The following PCLO variants were observed in gnomAD, a reference collection of about 807,000 sequenced individuals.
PCLO encodes the protein piccolo presynaptic cytomatrix protein.
Under a neutral mutation model 427.5 loss-of-function variants are expected in PCLO, and 82 were observed. The ratio of observed to expected loss-of-function variants is 0.19; its 90% CI spans 0.16 to 0.23. The LOEUF (loss-of-function observed/expected upper bound fraction) is 0.23. PCLO is among the 10% of genes least tolerant of loss of function. The probability of loss-of-function intolerance (pLI) is 1.00; values close to 1 mark genes in which losing one functional copy is unlikely to be tolerated. For synonymous variants in PCLO, 2,357 were observed against 2,155.4 expected (o/e 1.09, Z -2.59); for missense variants, 6,239 against 6,115.9 (o/e 1.02, Z -0.67).
intron 3 of PCLO, among the ~76,000 whole-genome samples, chr7:83,117,565 G>A (rs1490597071): frequency 8.5e-5 from 13 of 152,238 alleles, no homozygotes; most frequent in East Asian, 1.9e-4. Flanking sequence ...GGACAAAATC[G>A]AGCTCGCTTA....
At chr7:82,966,570 C>T in intron 3 of PCLO, 83 bp from the exon 4 acceptor site, 2 of 750,412 alleles carry the variant, frequency 2.7e-6, no homozygotes, top group African/African-American at 1.8e-5. Flanking sequence ...GAAAATTTGG[C>T]AATTCCTATC....
chr7:83,075,700 T>C (rs2116374360), intron 3 of PCLO, among the ~76,000 whole-genome samples: 1 of 152,254 alleles, frequency 6.6e-6, no homozygotes, highest in South Asian at 2.1e-4. Flanking sequence ...AGTTAAAATT[T>C]CGGGAAATTA....
intron 2 of PCLO, among the ~76,000 whole-genome samples, chr7:83,147,443 G>A (rs964120181): frequency 2.0e-5 from 3 of 152,016 alleles, no homozygotes; most frequent in Non-Finnish European, 2.9e-5. Context: ...AAAACCTTAT[G>A]CATAGAATCT....
intron 3 of PCLO, among the ~76,000 whole-genome samples, chr7:83,027,242 A>T (rs1239011568): frequency 4.8e-5 from 7 of 146,752 alleles, no homozygotes; most frequent in Non-Finnish European, 7.6e-5. Flanking sequence ...GAGAAGAATC[A>T]AATAGACGCA....
chr7:82,992,566 A>T (rs1796401850), intron 3 of PCLO, among the ~76,000 whole-genome samples: 1 of 152,100 alleles, frequency 6.6e-6, no homozygotes, highest in African/African-American at 2.4e-5. Flanking sequence ...GAACATGCAG[A>T]GAACATCACA....
Position 83,001,911 on chromosome 7 carries a change from G to C in PCLO, c.3301-35424C>G, listed in dbSNP as rs369606910. The stretch of plus-strand genomic sequence containing the variant: ...CACAGGACTAAGTGACTACATAAAG[G>C]TTTGGGATTCTGAGAGGTGTGACTC... On this transcript the variant is annotated intron_variant, in intron 3 of 24. Transcript: ENST00000333891. 1.6e-4 allele frequency among the ~76,000 whole-genome samples: 24 copies of C among 152,064 alleles called. No homozygotes were observed. In the East Asian group the frequency reaches 4.3e-3, roughly 27 times the overall value.
chr7:83,058,724 C>T lies in PCLO; in HGVS notation c.3300+75526G>A, dbSNP rs146497265. Among the ~76,000 whole-genome samples the T allele has an allele frequency of 2.6e-3, 392 of 152,158 alleles. 1 individual carries two copies. Among genetic ancestry groups the T allele is most frequent in the African/African-American group, 8.9e-3 (368 of 41,524 alleles). On this transcript the variant is annotated intron_variant, in intron 3 of 24. Transcript: ENST00000333891. ...ATGGGGGAAGGGGATTTATATTACA[C>T]GCTCAAGTTCATAACGTCGGTGTGT...
intron 3 of PCLO, among the ~76,000 whole-genome samples, chr7:83,104,498 G>C (rs1156305347): frequency 6.6e-6 from 1 of 151,858 alleles, no homozygotes; most frequent in African/African-American, 2.4e-5. Flanking sequence ...TTCATTTTCA[G>C]TCATAACAAT....
intron 3 of PCLO, among the ~76,000 whole-genome samples, chr7:82,978,303 A>G (rs955179265): frequency 6.6e-6 from 1 of 152,140 alleles, no homozygotes; most frequent in African/African-American, 2.4e-5. Context: ...TTGCTCAATT[A>G]ATATGGGGCT....
At chr7:83,017,116 G>A (rs1343223739) in intron 3 of PCLO, among the ~76,000 whole-genome samples, 1 of 152,038 alleles carries the variant, frequency 6.6e-6, no homozygotes, top group Admixed American at 6.6e-5. Flanking sequence ...TAAAGAATCA[G>A]AAGAAATAAT....
intron 3 of PCLO, among the ~76,000 whole-genome samples, chr7:83,099,363 T>C (rs1423910713): frequency 6.8e-6 from 1 of 146,924 alleles, no homozygotes; most frequent in Admixed American, 7.1e-5. Flanking sequence ...AATAAACAAA[T>C]ATGTTTTAAC....
Position 82,953,714 on chromosome 7 carries a change from A to AGGG in PCLO, c.7236_7238dup (p.Pro2426dup). On this transcript the variant is annotated inframe_insertion, in exon 5 of 25. Coordinates refer to ENST00000333891, the MANE Select transcript of PCLO (RefSeq NM_033026.6). ...GGGGTGGTGGTGGAGGAGGAGGAGG[A>AGGG]GGGGGAGGGGGAGGAGGGGGAGGAG... 3.1e-6 allele frequency: 1 copy of AGGG among 325,238 alleles called. No individual in the cohort carries two copies. Among genetic ancestry groups the AGGG allele is most frequent in the Non-Finnish European group, 4.8e-6 (1 of 206,750 alleles). 20.1% of individuals were successfully genotyped at this position (325,238 alleles called of 1,614,324 possible).
chr7:83,081,988 C>T (rs1241546050), intron 3 of PCLO, among the ~76,000 whole-genome samples: 3 of 151,394 alleles, frequency 2.0e-5, no homozygotes, highest in South Asian at 2.1e-4. Flanking sequence ...TAAACGGGAA[C>T]AAGAAATTGC....
At chr7:82,778,153 G>T (rs1459399855) in intron 22 of PCLO, among the ~76,000 whole-genome samples, 6 of 152,012 alleles carry the variant, frequency 3.9e-5, no homozygotes, top group Non-Finnish European at 7.4e-5. Flanking sequence ...CAGCCAACGA[G>T]CATATGAAAA....
At chr7:83,040,692 T>C (rs1206660215) in intron 3 of PCLO, among the ~76,000 whole-genome samples, 1 of 152,156 alleles carries the variant, frequency 6.6e-6, no homozygotes, top group Non-Finnish European at 1.5e-5. Context: ...CTTCCTCTTT[T>C]TTGAGAGTGT....
chr7:83,029,452 C>G (rs1788601001), intron 3 of PCLO, among the ~76,000 whole-genome samples: 1 of 131,890 alleles, frequency 7.6e-6, no homozygotes. Context: ...ATTAAAAAGT[C>G]AGGAAACAAC....
At chr7:83,113,114 T>C (rs1265756230) in intron 3 of PCLO, among the ~76,000 whole-genome samples, 2 of 152,204 alleles carry the variant, frequency 1.3e-5, no homozygotes, top group Non-Finnish European at 2.9e-5. Flanking sequence ...GTTCTGAAAG[T>C]TGTACATGTA....
At position 82,952,533 on chromosome 7, in the gene PCLO, G is replaced by T; in HGVS notation, c.8420C>A (p.Thr2807Asn). ...FVTCTASASYTTGTESLVGAE... is the reference protein window; with the variant it reads ...FVTCTASASYNTGTESLVGAE... Reference sequence around the variant, plus strand: ...ACCCACTAGGCTTTCTGTGCCTGTAGTGTAACTTGCACTAGCTGTGCATGT... The same window carrying T: ...ACCCACTAGGCTTTCTGTGCCTGTATTGTAACTTGCACTAGCTGTGCATGT... The change falls in exon 5 of 25, where the codon ACT becomes AAT. Residue 2807 changes from threonine (T) to asparagine (N), a missense_variant. Thr to Asn is a moderately conservative substitution (Grantham distance 65, BLOSUM62 0). Transcript: ENST00000333891. The T allele has an allele frequency of 6.2e-7, 1 of 1,613,948 alleles. No homozygotes were observed. Among genetic ancestry groups the T allele is most frequent in the Non-Finnish European group, 8.5e-7 (1 of 1,179,858 alleles).
chr7:83,012,623 A>G (rs1364675458), intron 3 of PCLO, among the ~76,000 whole-genome samples: 7 of 4,952 alleles, frequency 1.4e-3, no homozygotes, highest in Non-Finnish European at 2.4e-3. Context: ...GTCTCAAGGA[A>G]AAAAAAAAAA....
Sources: allele counts gnomAD v4.1 joint callset (sites outside exome capture counted in the v4.1 genomes callset), GRCh38; gene constraint gnomAD v4.1.1; transcripts MANE v1.5; gene names NCBI Gene and HGNC (gene_info 2026-07-23, HGNC 2026-07-21).